CBLB: variants seen among roughly 807,000 people sequenced by gnomAD.
CBLB encodes the protein Cbl proto-oncogene B.
CBLB carries 31 observed loss-of-function variants against 104.9 expected under a neutral mutation model. That is an observed-to-expected ratio of 0.30 (90% CI 0.22 to 0.40). CBLB has a LOEUF of 0.40. CBLB is among the 10% of genes least tolerant of loss of function. CBLB has a pLI of 1.00. For missense variants in CBLB, 1,062 were observed against 1,214.6 expected (o/e 0.87, Z 1.87); for synonymous variants, 440 against 422.6 (o/e 1.04, Z -0.51).
intron 9 of CBLB, among the ~76,000 whole-genome samples, chr3:105,732,306 ACTG>A (rs1220780055): frequency 6.6e-6 from 1 of 152,194 alleles, no homozygotes; most frequent in African/African-American, 2.4e-5. Flanking sequence ...TTTAAAAGGC[ACTG>A]CTAAGTTTGC....
chr3:105,786,068 G>GC (rs1553794773), intron 3 of CBLB, among the ~76,000 whole-genome samples: 1 of 148,582 alleles, frequency 6.7e-6, no homozygotes, highest in African/African-American at 2.5e-5. Context: ...GATCGGGGGG[G>GC]GGAAAGTGGG....
At chr3:105,813,440 T>C (rs749746249) in intron 3 of CBLB, among the ~76,000 whole-genome samples, 3 of 152,178 alleles carry the variant, frequency 2.0e-5, no homozygotes, top group Non-Finnish European at 4.4e-5. Context: ...ATAATTTTTA[T>C]GCAATGGTAT....
chr3:105,799,328 G>C (rs550104929), intron 3 of CBLB, among the ~76,000 whole-genome samples: 7 of 152,058 alleles, frequency 4.6e-5, no homozygotes, highest in African/African-American at 1.4e-4. Context: ...CGTTATGTAA[G>C]AGAACATTAG....
intron 18 of CBLB, among the ~76,000 whole-genome samples, chr3:105,665,643 A>C (rs1405440817): frequency 6.8e-6 from 1 of 147,918 alleles, no homozygotes; most frequent in African/African-American, 2.5e-5. Context: ...AATATAAAAT[A>C]TACATTATTA....
chr3:105,780,660 G>GTTTTTTTTTTTTTTTTTTTT (rs58640968), intron 3 of CBLB, among the ~76,000 whole-genome samples: 35 of 94,034 alleles, frequency 3.7e-4, no homozygotes, highest in Admixed American at 2.0e-3. Flanking sequence ...TTTGTTTTTT[G>GTTTTTTTTTTTTTTTTTTTT]TTTTTTTTTT....
intron 16 of CBLB, chr3:105,681,135 T>G (rs2066270280): frequency 3.0e-6 from 1 of 338,684 alleles, no homozygotes; most frequent in Non-Finnish European, 5.4e-6. Flanking sequence ...AAGTTCATAT[T>G]TATTAAGAAT....
At chr3:105,680,477 G>A (rs2066179693) in intron 16 of CBLB, among the ~76,000 whole-genome samples, 1 of 152,178 alleles carries the variant, frequency 6.6e-6, no homozygotes. Flanking sequence ...TGCTTATCCA[G>A]GTGATGAAGA....
chr3:105,689,987 TAA>T (rs143698022), intron 13 of CBLB, among the ~76,000 whole-genome samples: 2,677 of 151,548 alleles, frequency 0.018, 73 homozygotes, highest in African/African-American at 0.061. Context: ...AATTACACAA[TAA>T]AAGTCAAATA....
rs1373513346 is a variant in CBLB, at chr3:105,869,009, G to A, written c.-288C>T. On this transcript the variant is annotated 5_prime_UTR_variant, in exon 1 of 19. Transcript: ENST00000394030. Reference sequence around the variant, plus strand: ...TAGCAGGAGGAGGAGACCGCTCGCTGGACACCCCACCCCTGTGGCACACAC... The same window carrying A: ...TAGCAGGAGGAGGAGACCGCTCGCTAGACACCCCACCCCTGTGGCACACAC... The A allele has an allele frequency of 7.5e-6, 8 of 1,062,598 alleles. 1 individual carries two copies. The South Asian group carries it at 1.3e-4, about 17-fold the overall frequency. The allele number at this position is 1,062,598 out of a possible 1,614,324, so 65.8% of individuals were successfully genotyped here. A position where few individuals can be genotyped will look rare whatever the true frequency, so the allele number is the denominator to read the frequency against.
intron 3 of CBLB, among the ~76,000 whole-genome samples, chr3:105,845,478 T>A (rs2090128624): frequency 6.6e-6 from 1 of 151,922 alleles, no homozygotes; most frequent in East Asian, 1.9e-4. Context: ...AATGGTGGAA[T>A]TCATTTTAAT....
chr3:105,866,146 TA>T (rs932363247), intron 2 of CBLB, among the ~76,000 whole-genome samples: 3 of 152,192 alleles, frequency 2.0e-5, no homozygotes. Flanking sequence ...AGCCCAAAAC[TA>T]AGGCTATTTA....
chr3:105,829,635 C>CCATA (rs1385077788), intron 3 of CBLB, among the ~76,000 whole-genome samples: 2 of 128,716 alleles, frequency 1.6e-5, no homozygotes, highest in African/African-American at 2.9e-5. Flanking sequence ...TGCCACCACA[C>CCATA]CATAGCCAGA....
intron 10 of CBLB, among the ~76,000 whole-genome samples, chr3:105,709,791 A>G (rs1438470934): frequency 6.6e-6 from 1 of 151,950 alleles, no homozygotes; most frequent in African/African-American, 2.4e-5. Context: ...AACCGTGTCG[A>G]ATTTATGAAT....
chr3:105,815,243 T>G (rs1375567071), intron 3 of CBLB, among the ~76,000 whole-genome samples: 1 of 152,200 alleles, frequency 6.6e-6, no homozygotes, highest in Non-Finnish European at 1.5e-5. Flanking sequence ...TTTGTACACC[T>G]GTAGGTACCT....
intron 10 of CBLB, among the ~76,000 whole-genome samples, chr3:105,714,550 T>C (rs2071563358): frequency 6.6e-6 from 1 of 152,148 alleles, no homozygotes; most frequent in Admixed American, 6.6e-5. Context: ...CAGTTCAAAA[T>C]AGAGTTCATA....
intron 11 of CBLB, among the ~76,000 whole-genome samples, chr3:105,702,737 T>G (rs777199572): frequency 2.0e-5 from 3 of 152,058 alleles, no homozygotes; most frequent in African/African-American, 7.2e-5. Flanking sequence ...CAGAAACAAG[T>G]AGAAGATCAA....
intron 3 of CBLB, chr3:105,824,286 T>C (rs989171416): frequency 2.6e-5 from 4 of 152,194 alleles, no homozygotes; most frequent in Admixed American, 2.0e-4. Flanking sequence ...TACAGTACAA[T>C]TGTAGGCCTA....
At chr3:105,825,211 A>T (rs1476116726) in intron 3 of CBLB, among the ~76,000 whole-genome samples, 2 of 152,144 alleles carry the variant, frequency 1.3e-5, no homozygotes, top group African/African-American at 4.8e-5. Context: ...GAAAAAAAGA[A>T]ATCAATCATG....
intron 5 of CBLB, among the ~76,000 whole-genome samples, chr3:105,746,472 T>G (rs966867561): frequency 1.3e-5 from 2 of 152,220 alleles, no homozygotes; most frequent in African/African-American, 4.8e-5. Context: ...CTCCATCTGC[T>G]ATAACTCTCC....
Sources: allele counts gnomAD v4.1 joint callset (sites outside exome capture counted in the v4.1 genomes callset), GRCh38; gene constraint gnomAD v4.1.1; transcripts MANE v1.5; gene names NCBI Gene and HGNC (gene_info 2026-07-23, HGNC 2026-07-21).